ZNF804A: variants seen among roughly 807,000 people sequenced by gnomAD.
ZNF804A encodes the protein zinc finger protein 804A.
A neutral mutation model predicts 16.5 loss-of-function variants in ZNF804A; 2 were observed. The ratio of observed to expected loss-of-function variants is 0.12; its 90% CI spans 0.05 to 0.38. The LOEUF (loss-of-function observed/expected upper bound fraction) is 0.38. Ranked by LOEUF, ZNF804A falls within the 10% of genes least tolerant of loss-of-function variation. The probability of loss-of-function intolerance (pLI) is 0.99; values close to 1 mark genes in which losing one functional copy is unlikely to be tolerated. For synonymous variants in ZNF804A, 534 were observed against 489.6 expected (o/e 1.09, Z -1.20); for missense variants, 1,473 against 1,390.7 (o/e 1.06, Z -0.94).
intron 1 of ZNF804A, among the ~76,000 whole-genome samples, chr2:184,842,899 G>A (rs951525149): frequency 1.3e-5 from 2 of 152,154 alleles, no homozygotes; most frequent in Non-Finnish European, 2.9e-5. Context: ...CAGACAGTGA[G>A]CACCATAATG....
intron 1 of ZNF804A, among the ~76,000 whole-genome samples, chr2:184,629,397 C>A (rs536335921): frequency 1.2e-4 from 19 of 152,072 alleles, no homozygotes; most frequent in African/African-American, 4.6e-4. Context: ...TGAGTTCAGG[C>A]ACATTGATAA....
intron 2 of ZNF804A, among the ~76,000 whole-genome samples, chr2:184,897,578 T>C (rs1052846097): frequency 1.3e-5 from 2 of 152,152 alleles, no homozygotes; most frequent in African/African-American, 4.8e-5. Flanking sequence ...GGAAAGTATC[T>C]AAATAAATAA....
chr2:184,921,392 A>G (rs1055979838), intron 2 of ZNF804A, among the ~76,000 whole-genome samples: 9 of 152,150 alleles, frequency 5.9e-5, no homozygotes, highest in African/African-American at 2.2e-4. Flanking sequence ...TTGTGCATAG[A>G]AGATCAAGAT....
chr2:184,771,646 A>T (rs1694216449), intron 1 of ZNF804A, among the ~76,000 whole-genome samples: 1 of 151,976 alleles, frequency 6.6e-6, no homozygotes, highest in South Asian at 2.1e-4. Flanking sequence ...CTGTTAGATC[A>T]ACTGGATAAA....
chr2:184,791,422 AGTTTG>A (rs1317553120), intron 1 of ZNF804A, among the ~76,000 whole-genome samples: 1 of 152,176 alleles, frequency 6.6e-6, no homozygotes, highest in African/African-American at 2.4e-5. Flanking sequence ...TATGAAGTTT[AGTTTG>A]GCAGGATACA....
intron 1 of ZNF804A, among the ~76,000 whole-genome samples, chr2:184,679,430 C>T (rs1215169218): frequency 1.3e-5 from 2 of 152,098 alleles, no homozygotes; most frequent in Non-Finnish European, 2.9e-5. Context: ...CAGGTGGAGC[C>T]CCACCCCTTA....
At chr2:184,684,050 G>A (rs116599730) in intron 1 of ZNF804A, among the ~76,000 whole-genome samples, 258 of 152,230 alleles carry the variant, frequency 1.7e-3, no homozygotes, top group African/African-American at 5.8e-3. Flanking sequence ...TTTAAAACAT[G>A]TCTAGGCAGA....
At chr2:184,622,125 C>CTGGCTTATATTCA (rs1287437272) in intron 1 of ZNF804A, among the ~76,000 whole-genome samples, 1 of 151,714 alleles carries the variant, frequency 6.6e-6, no homozygotes, top group African/African-American at 2.4e-5. Context: ...GTCTTCAGAG[C>CTGGCTTATATTCA]CAGAGCTTAT....
chr2:184,778,755 G>A (rs1047350703), intron 1 of ZNF804A, among the ~76,000 whole-genome samples: 4 of 151,530 alleles, frequency 2.6e-5, no homozygotes, highest in African/African-American at 7.3e-5. Flanking sequence ...ATGATCCAGG[G>A]ACTGTCATTG....
intron 2 of ZNF804A, among the ~76,000 whole-genome samples, chr2:184,925,352 T>C (rs1685593734): frequency 6.6e-6 from 1 of 151,984 alleles, no homozygotes; most frequent in Non-Finnish European, 1.5e-5. Flanking sequence ...CTATAGCTAC[T>C]CCTATCCTTT....
Position 184,938,720 on chromosome 2 carries a change from AGCTGCTGCAGCTGCAGCTG to A in ZNF804A, c.3325_3343del (p.Ala1109GlnfsTer34), listed in dbSNP as rs773056686. On this transcript the variant is annotated frameshift_variant, in exon 4 of 4. Coordinates refer to ENST00000302277, the MANE Select transcript of ZNF804A (RefSeq NM_194250.2). LOFTEE classifies it low-confidence loss of function (END_TRUNC). ...ACACTGTTTTGCAGCAGCACGCTGCAGCTGCTGCAGCTGCAGCTGCAGCCGCAGCTGCAGGAACCTTTAA... is the reference window on the plus strand; with the variant it reads ...ACACTGTTTTGCAGCAGCACGCTGCACAGCCGCAGCTGCAGGAACCTTTAA... 6.2e-7 allele frequency: 1 copy of A among 1,608,244 alleles called. No individual in the cohort carries two copies. The highest frequency in any genetic ancestry group is 8.5e-7 in the Non-Finnish European group (1 of 1,177,054).
chr2:184,767,241 T>G (rs762382771), intron 1 of ZNF804A, among the ~76,000 whole-genome samples: 2 of 152,146 alleles, frequency 1.3e-5, no homozygotes, highest in Non-Finnish European at 2.9e-5. Flanking sequence ...ATGGAGTATA[T>G]GCACACAATG....
At chr2:184,889,122 T>C (rs1417845005) in intron 2 of ZNF804A, among the ~76,000 whole-genome samples, 1 of 152,032 alleles carries the variant, frequency 6.6e-6, no homozygotes, top group Admixed American at 6.6e-5. Flanking sequence ...ATAATCATGT[T>C]AATGGATTCA....
At chr2:184,889,620 GTTTC>G (rs1217214713) in intron 2 of ZNF804A, among the ~76,000 whole-genome samples, 12 of 151,680 alleles carry the variant, frequency 7.9e-5, no homozygotes, top group South Asian at 2.1e-4. Context: ...GCATATATTC[GTTTC>G]TTTAAGTACA....
At chr2:184,793,672 G>A (rs551196981) in intron 1 of ZNF804A, among the ~76,000 whole-genome samples, 17 of 152,084 alleles carry the variant, frequency 1.1e-4, no homozygotes, top group Middle Eastern at 3.4e-3. Flanking sequence ...ACTCATAACC[G>A]GAGCATTATA....
At chr2:184,825,022 T>A (rs1695137727) in intron 1 of ZNF804A, among the ~76,000 whole-genome samples, 1 of 152,156 alleles carries the variant, frequency 6.6e-6, no homozygotes, top group Non-Finnish European at 1.5e-5. Flanking sequence ...GTCAAAATCA[T>A]ATTTATGATG....
intron 1 of ZNF804A, among the ~76,000 whole-genome samples, chr2:184,724,691 ACT>A (rs1444758599): frequency 6.6e-6 from 1 of 151,668 alleles, no homozygotes; most frequent in African/African-American, 2.4e-5. Flanking sequence ...AAAATATTCT[ACT>A]CTGAGTCCAC....
intron 1 of ZNF804A, among the ~76,000 whole-genome samples, chr2:184,637,823 C>T (rs1406636095): frequency 6.6e-6 from 1 of 152,064 alleles, no homozygotes; most frequent in East Asian, 1.9e-4. Flanking sequence ...GCAATTAAAT[C>T]ATAAAAGTGG....
At chr2:184,641,756 T>G (rs2105694083) in intron 1 of ZNF804A, among the ~76,000 whole-genome samples, 1 of 152,282 alleles carries the variant, frequency 6.6e-6, no homozygotes, top group South Asian at 2.1e-4. Context: ...GTGCTTTGAG[T>G]AAGATTTTCT....
Sources: allele counts gnomAD v4.1 joint callset (sites outside exome capture counted in the v4.1 genomes callset), GRCh38; gene constraint gnomAD v4.1.1; transcripts MANE v1.5; gene names NCBI Gene and HGNC (gene_info 2026-07-23, HGNC 2026-07-21).